The following CSTPP1 variants were observed in gnomAD, a reference collection of about 807,000 sequenced individuals.
CSTPP1 encodes the protein centriolar satellite-associated tubulin polyglutamylase complex regulator 1.
At chr11:47,039,127 G>T in the CSTPP1 span, among the ~76,000 whole-genome samples, 5 of 126,916 alleles carry the variant, frequency 3.9e-5, no homozygotes, top group Admixed American at 8.3e-5. Flanking sequence ...CTGCAATCTC[G>T]GCACTTTGGG....
chr11:47,007,185 A>C, the CSTPP1 span, among the ~76,000 whole-genome samples: 1 of 150,086 alleles, frequency 6.7e-6, no homozygotes, highest in African/African-American at 2.5e-5. Context: ...GGCGCCCACC[A>C]CCGTGGCTGG....
At chr11:47,102,353 T>G in the CSTPP1 span, among the ~76,000 whole-genome samples, 3 of 152,232 alleles carry the variant, frequency 2.0e-5, no homozygotes, top group Non-Finnish European at 4.4e-5. Context: ...ATGGTTCACT[T>G]TGGGAGAATG....
chr11:47,078,272 T>C, the CSTPP1 span, among the ~76,000 whole-genome samples: 1 of 152,128 alleles, frequency 6.6e-6, no homozygotes, highest in Non-Finnish European at 1.5e-5. Flanking sequence ...GTGAAATGAG[T>C]TATAACTTCC....
At chr11:46,952,730 C>T in the CSTPP1 span, among the ~76,000 whole-genome samples, 1 of 152,286 alleles carries the variant, frequency 6.6e-6, no homozygotes, top group Middle Eastern at 3.4e-3. Flanking sequence ...TTCTCTGTGT[C>T]ACTTCCTGTC....
chr11:46,936,878 G>A, the CSTPP1 span: 1 of 1,552,696 alleles, frequency 6.4e-7, no homozygotes, highest in East Asian at 2.5e-5. Context: ...ACTTTGGGGA[G>A]GGAAAGACGT....
At chr11:47,024,664 C>A in the CSTPP1 span, among the ~76,000 whole-genome samples, 2 of 152,104 alleles carry the variant, frequency 1.3e-5, no homozygotes, top group African/African-American at 2.4e-5. Context: ...GAATTTAAGA[C>A]CTCACCTGAC....
At chr11:47,150,883 GTT>G in the CSTPP1 span, among the ~76,000 whole-genome samples, 166 of 60,524 alleles carry the variant, frequency 2.7e-3, no homozygotes, top group Admixed American at 3.5e-3. Context: ...GACTGTGAAG[GTT>G]TTTTTTTTTT....
the CSTPP1 span, among the ~76,000 whole-genome samples, chr11:46,973,692 C>T: frequency 6.6e-6 from 1 of 152,066 alleles, no homozygotes; most frequent in African/African-American, 2.4e-5. Context: ...AACTGAGTCA[C>T]ATGACTAAAG....
the CSTPP1 span, among the ~76,000 whole-genome samples, chr11:47,121,611 C>T: frequency 1.3e-5 from 2 of 152,026 alleles, no homozygotes; most frequent in African/African-American, 4.8e-5. Context: ...CTCTTTTTTA[C>T]AGACAAAGAA....
the CSTPP1 span, chr11:47,103,736 G>A: frequency 7.2e-6 from 1 of 139,308 alleles, no homozygotes; most frequent in East Asian, 2.2e-4. Context: ...GTAAAGTGGT[G>A]CTATCTCAGC....
the CSTPP1 span, among the ~76,000 whole-genome samples, chr11:47,134,675 TA>T: frequency 6.6e-6 from 1 of 152,104 alleles, no homozygotes; most frequent in African/African-American, 2.4e-5. Flanking sequence ...CTGCAGAAGC[TA>T]GGGGGACTGC....
the CSTPP1 span, among the ~76,000 whole-genome samples, chr11:47,141,345 A>G: frequency 3.9e-5 from 6 of 152,024 alleles, no homozygotes; most frequent in Non-Finnish European, 5.9e-5. Flanking sequence ...TCAAATAAGT[A>G]GAATTGAGGC....
At chr11:47,062,057 G>A in the CSTPP1 span, among the ~76,000 whole-genome samples, 1 of 151,952 alleles carries the variant, frequency 6.6e-6, no homozygotes, top group Non-Finnish European at 1.5e-5. Flanking sequence ...TTAAAGGTCA[G>A]GTCCTTAAAG....
chr11:46,940,153 G>T, the CSTPP1 span, among the ~76,000 whole-genome samples: 1 of 152,204 alleles, frequency 6.6e-6, no homozygotes, highest in Non-Finnish European at 1.5e-5. Flanking sequence ...GATTATAGGC[G>T]TGAGCCACTG....
chr11:46,979,729 A>G, the CSTPP1 span, among the ~76,000 whole-genome samples: 44 of 152,304 alleles, frequency 2.9e-4, 1 homozygote, highest in African/African-American at 9.6e-4. Flanking sequence ...CCTGGCCAAC[A>G]TGGTGAAACC....
At chr11:47,002,796 G>A in the CSTPP1 span, among the ~76,000 whole-genome samples, 1 of 152,056 alleles carries the variant, frequency 6.6e-6, no homozygotes, top group Non-Finnish European at 1.5e-5. Flanking sequence ...ATAAAATTTA[G>A]GTCTGATTTT....
At chr11:46,962,036 G>A in the CSTPP1 span, among the ~76,000 whole-genome samples, 2 of 152,134 alleles carry the variant, frequency 1.3e-5, no homozygotes, top group African/African-American at 2.4e-5. Context: ...GCAAAAGGGG[G>A]AAAAGTCCCT....
chr11:47,027,558 A>G, the CSTPP1 span, among the ~76,000 whole-genome samples: 1 of 152,224 alleles, frequency 6.6e-6, no homozygotes, highest in African/African-American at 2.4e-5. Flanking sequence ...CACTTGGTGA[A>G]GTGATCAAGG....
the CSTPP1 span, among the ~76,000 whole-genome samples, chr11:47,059,288 A>C: frequency 6.6e-6 from 1 of 152,216 alleles, no homozygotes; most frequent in Non-Finnish European, 1.5e-5. Context: ...AAGCCTGCAC[A>C]TTCTGTACAT....
Sources: allele counts gnomAD v4.1 joint callset (sites outside exome capture counted in the v4.1 genomes callset), GRCh38; gene constraint gnomAD v4.1.1; transcripts MANE v1.5; gene names NCBI Gene and HGNC (gene_info 2026-07-23, HGNC 2026-07-21).